The following ATP8B4 variants were observed in gnomAD, a reference collection of about 807,000 sequenced individuals.
ATP8B4 encodes ATPase phospholipid transporting 8B4 (putative).
In ATP8B4, 133 loss-of-function variants were observed where a neutral mutation model predicts 145.6. The ratio of observed to expected loss-of-function variants is 0.91; its 90% CI spans 0.79 to 1.05. The LOEUF is 1.05. ATP8B4 is among the 50% of genes least tolerant of loss of function. The probability of loss-of-function intolerance (pLI) is 0.00; values close to 1 mark genes in which losing one functional copy is unlikely to be tolerated. For missense variants in ATP8B4, 1,458 were observed against 1,425.2 expected, an observed-to-expected ratio of 1.02 and a Z score of -0.37; for synonymous variants, 507 against 492.9, an observed-to-expected ratio of 1.03 and a Z score of -0.38.
chr15:49,954,395 C>A (rs1235202468), intron 14 of ATP8B4, among the ~76,000 whole-genome samples: 1 of 152,136 alleles, frequency 6.6e-6, no homozygotes, highest in African/African-American at 2.4e-5. Flanking sequence ...AGTAAACAGA[C>A]AACCCACAGA....
At chr15:49,889,182 T>C (rs868548880) in intron 23 of ATP8B4, among the ~76,000 whole-genome samples, 5 of 151,932 alleles carry the variant, frequency 3.3e-5, no homozygotes, top group Middle Eastern at 3.5e-3. Context: ...TATCATCAGG[T>C]AGAGTAGGCA....
At chr15:49,892,037 A>C (rs1239839395) in intron 23 of ATP8B4, among the ~76,000 whole-genome samples, 1 of 151,646 alleles carries the variant, frequency 6.6e-6, no homozygotes, top group Non-Finnish European at 1.5e-5. Context: ...AATCGTGTGA[A>C]CCTGGGAGGT....
chr15:49,864,038 C>T (rs1369747760), intron 26 of ATP8B4, among the ~76,000 whole-genome samples: 4 of 152,046 alleles, frequency 2.6e-5, no homozygotes, highest in East Asian at 1.9e-4. Context: ...TTTTGGCAAA[C>T]GATCTTAAAA....
intron 14 of ATP8B4, among the ~76,000 whole-genome samples, chr15:49,954,225 G>T (rs988463165): frequency 6.6e-6 from 1 of 152,118 alleles, no homozygotes; most frequent in Non-Finnish European, 1.5e-5. Flanking sequence ...TCTTGTGACT[G>T]TGTGAGTCAA....
intron 13 of ATP8B4, among the ~76,000 whole-genome samples, chr15:49,962,279 T>C (rs1321657516): frequency 1.3e-5 from 2 of 152,232 alleles, no homozygotes; most frequent in Non-Finnish European, 2.9e-5. Context: ...AATTATGTTT[T>C]TCTGTAAATG....
intron 2 of ATP8B4, among the ~76,000 whole-genome samples, chr15:50,075,641 C>A (rs2054124383): frequency 6.6e-6 from 1 of 152,096 alleles, no homozygotes; most frequent in Admixed American, 6.5e-5. Flanking sequence ...GTTGATGATA[C>A]CTAAATGGGT....
chr15:50,084,714 T>C (rs2054781085), intron 2 of ATP8B4, among the ~76,000 whole-genome samples: 1 of 152,144 alleles, frequency 6.6e-6, no homozygotes, highest in Non-Finnish European at 1.5e-5. Context: ...CTTCTAGAGA[T>C]CCTAGGGAAG....
intron 20 of ATP8B4, among the ~76,000 whole-genome samples, chr15:49,902,723 G>T (rs767593641): frequency 1.3e-5 from 2 of 152,166 alleles, no homozygotes; most frequent in African/African-American, 2.4e-5. Flanking sequence ...AACTATGTCA[G>T]GGAATCCTCC....
intron 14 of ATP8B4, among the ~76,000 whole-genome samples, chr15:49,949,653 C>G (rs765100225): frequency 2.0e-5 from 3 of 151,912 alleles, no homozygotes; most frequent in Non-Finnish European, 2.9e-5. Context: ...ATTTGAATAC[C>G]CTTTATTTCT....
intron 23 of ATP8B4, among the ~76,000 whole-genome samples, chr15:49,881,621 C>A (rs748804352): frequency 2.1e-4 from 32 of 152,258 alleles, no homozygotes; most frequent in Non-Finnish European, 2.5e-4. Context: ...CATGAGAGAA[C>A]CTGCAGAAGG....
At chr15:50,024,833 T>C (rs1322998997) in intron 6 of ATP8B4, among the ~76,000 whole-genome samples, 1 of 152,156 alleles carries the variant, frequency 6.6e-6, no homozygotes, top group Non-Finnish European at 1.5e-5. Flanking sequence ...TCAGACACTG[T>C]CCCATACATG....
At chr15:50,163,520 G>A (rs1034532762) in intron 1 of ATP8B4, among the ~76,000 whole-genome samples, 2 of 152,236 alleles carry the variant, frequency 1.3e-5, no homozygotes, top group Non-Finnish European at 2.9e-5. Flanking sequence ...CTGTAGCTGA[G>A]TGAAAGGTGA....
Position 49,897,361 on chromosome 15 carries a change from G to C in ATP8B4, c.2628C>G (p.Phe876Leu). 3.7e-6 allele frequency: 6 copies of C among 1,613,742 alleles called. No homozygotes were observed. Among genetic ancestry groups the C allele is most frequent in the Non-Finnish European group, 5.1e-6 (6 of 1,179,804 alleles). Reference sequence around the variant, plus strand: ...GTGTAAATGCAAAATTCTTATAGAAGAAATAGCATAAGAATTTGCACATTC... The same window carrying C: ...GTGTAAATGCAAAATTCTTATAGAACAAATAGCATAAGAATTTGCACATTC... ...YFRMCKFLCY[F>L]FYKNFAFTLV... Residue 876 changes from phenylalanine to leucine, a missense_variant, in exon 23 of 28, where the codon TTC (phenylalanine) becomes TTG (leucine). Transcript: ENST00000284509.
chr15:50,156,453 C>G (rs1385822941), intron 1 of ATP8B4, among the ~76,000 whole-genome samples: 1 of 152,024 alleles, frequency 6.6e-6, no homozygotes, highest in Non-Finnish European at 1.5e-5. Context: ...CATAATGCTG[C>G]TGTAATTTGT....
At chr15:49,949,439 G>A (rs2042870012) in intron 14 of ATP8B4, among the ~76,000 whole-genome samples, 1 of 152,132 alleles carries the variant, frequency 6.6e-6, no homozygotes, top group Non-Finnish European at 1.5e-5. Context: ...GATTGTGAAT[G>A]CGAGTTCATT....
At chr15:49,974,919 T>A (rs967257678) in intron 12 of ATP8B4, among the ~76,000 whole-genome samples, 1 of 152,212 alleles carries the variant, frequency 6.6e-6, no homozygotes, top group Non-Finnish European at 1.5e-5. Flanking sequence ...TATTCATTGA[T>A]ATGACAGCTA....
intron 1 of ATP8B4, 48 bp from the exon 2 acceptor site, chr15:50,107,056 C>A (rs2056720637): frequency 7.8e-7 from 1 of 1,278,596 alleles, no homozygotes. Flanking sequence ...TGCACAATAA[C>A]TATAAATTTA....
intron 1 of ATP8B4, among the ~76,000 whole-genome samples, chr15:50,149,351 G>GTGATAGACTGCTGTGATAGACAGCA (rs2044317885): frequency 1.3e-5 from 2 of 152,168 alleles, no homozygotes; most frequent in Admixed American, 1.3e-4. Flanking sequence ...AGTCTGATCT[G>GTGATAGACTGCTGTGATAGACAGCA]GTGATAGACT....
chr15:50,057,375 A>C (rs1179842975), intron 3 of ATP8B4, among the ~76,000 whole-genome samples: 5 of 152,200 alleles, frequency 3.3e-5, no homozygotes, highest in Admixed American at 2.0e-4. Context: ...CATAAAAGCA[A>C]GTATTGTACA....
Sources: gnomAD v4.1 joint callset for allele counts (sites outside exome capture counted in the v4.1 genomes callset) on GRCh38, gnomAD v4.1.1 for gene constraint, MANE v1.5 for transcripts, NCBI Gene and HGNC (gene_info 2026-07-23, HGNC 2026-07-21) for gene names.